The following CASTOR2 variants were observed in gnomAD, a reference collection of about 807,000 sequenced individuals.
CASTOR2 encodes GATS protein like 2.
A neutral mutation model predicts 31.2 loss-of-function variants in CASTOR2; 8 were observed. The ratio of observed to expected loss-of-function variants is 0.26; its 90% CI spans 0.15 to 0.46. The LOEUF (loss-of-function observed/expected upper bound fraction) is 0.46. Among genes scored for constraint, CASTOR2 ranks in the 20% least tolerant of loss-of-function variants. CASTOR2 has a pLI of 0.99. For synonymous variants in CASTOR2, 162 were observed against 158.7 expected (o/e 1.02, Z -0.16); for missense variants, 216 against 382.1 (o/e 0.57, Z 3.62).
intron 1 of CASTOR2, among the ~76,000 whole-genome samples, chr7:75,004,727 A>G (rs1465477591): frequency 1.3e-4 from 20 of 151,506 alleles, no homozygotes; most frequent in African/African-American, 4.8e-4. Flanking sequence ...GATTACAGGC[A>G]TGAGCCACCG....
In CASTOR2 at chr7:75,021,247, C is replaced by T. The variant is rs1164313040; in HGVS notation, c.747-627C>T. ...CCTCAAGTGATTCACCCACTTTGGC[C>T]TCCCAAAGTGCTGGGATTACCGGCG... On this transcript the variant is annotated intron_variant, in intron 6 of 8. Coordinates refer to ENST00000616305, the MANE Select transcript of CASTOR2 (RefSeq NM_001145064.3). Among the ~76,000 whole-genome samples, 17 of 152,302 alleles carry T rather than the reference C, an allele frequency of 1.1e-4. No individual in the cohort carries two copies. In the East Asian group the frequency reaches 3.1e-3, roughly 28 times the overall value.
In CASTOR2 at chr7:75,002,465, CA is replaced by C. The variant is rs1258472290; in HGVS notation, c.114-5523del. ...GAAACCCTGTCTCTGCTAAAAACTCCAAAAAATTAGCTGGATGTGGTGGCAG... is the reference window on the plus strand; with the variant it reads ...GAAACCCTGTCTCTGCTAAAAACTCCAAAAATTAGCTGGATGTGGTGGCAG... On this transcript the variant is annotated intron_variant, in intron 1 of 8. Coordinates refer to ENST00000616305, the MANE Select transcript of CASTOR2 (RefSeq NM_001145064.3). 4.0e-5 allele frequency among the ~76,000 whole-genome samples: 6 copies of C among 151,718 alleles called. No individual in the cohort carries two copies. In the Middle Eastern group the frequency reaches 0.01, roughly 262 times the overall value.
rs1187050437 is a variant in CASTOR2, at chr7:75,025,341, T to A, written c.*642T>A. On this transcript the variant is annotated 3_prime_UTR_variant, in exon 9 of 9. Coordinates refer to ENST00000616305, the MANE Select transcript of CASTOR2 (RefSeq NM_001145064.3). The stretch of plus-strand genomic sequence containing the variant: ...GCCAACCACAGGGCCTGGGCCCGAC[T>A]CCCAGCAAGACTGCCAAGAGGGCCC... Among the ~76,000 whole-genome samples the A allele has an allele frequency of 6.6e-6, 1 of 151,956 alleles. No individual in the cohort carries two copies. Among genetic ancestry groups the A allele is most frequent in the Non-Finnish European group, 1.5e-5 (1 of 67,960 alleles).
intron 1 of CASTOR2, among the ~76,000 whole-genome samples, chr7:75,000,383 G>A (rs1456074872): frequency 2.0e-5 from 3 of 152,138 alleles, no homozygotes; most frequent in Non-Finnish European, 4.4e-5. Context: ...ATAGGCTGCA[G>A]GAGATGTGGC....
At chr7:74,999,662 A>G (rs1395764968) in intron 1 of CASTOR2, among the ~76,000 whole-genome samples, 1 of 120,136 alleles carries the variant, frequency 8.3e-6, no homozygotes, top group Non-Finnish European at 1.6e-5. Context: ...TCTGTCTCCA[A>G]GCTGGAGTGC....
At chr7:75,017,833 G>A (rs1291266061) in intron 3 of CASTOR2, 42 bp downstream of exon 3, 112 of 1,613,732 alleles carry the variant, frequency 6.9e-5, no homozygotes, top group South Asian at 3.6e-4. Flanking sequence ...ACTCATGCCC[G>A]CCTCTGACAC....
At chr7:74,976,533 TC>T (rs1803812813) in intron 1 of CASTOR2, among the ~76,000 whole-genome samples, 2 of 1,810 alleles carry the variant, frequency 1.1e-3, no homozygotes, top group African/African-American at 2.6e-3. Flanking sequence ...AGACCCTGTC[TC>T]CTCCTCCTCC....
rs1477601177 is a variant in CASTOR2 at position 75,026,495 on chromosome 7, G to A, written c.*1796G>A. 5.9e-5 allele frequency among the ~76,000 whole-genome samples: 9 copies of A among 152,220 alleles called. No homozygotes were observed. The East Asian group carries it at 1.5e-3, about 26-fold the overall frequency. On this transcript the variant is annotated 3_prime_UTR_variant, in exon 9 of 9. Coordinates refer to ENST00000616305, the MANE Select transcript of CASTOR2 (RefSeq NM_001145064.3). Reference sequence around the variant, plus strand: ...GTGAGCCACCACACCCAGCCGAGTTGTGCTGTTTCTGTGGTCAGAGGAGAA... The same window carrying A: ...GTGAGCCACCACACCCAGCCGAGTTATGCTGTTTCTGTGGTCAGAGGAGAA...
At position 75,026,441 on chromosome 7, in the gene CASTOR2, C is replaced by T. The variant is rs920513454; in HGVS notation, c.*1742C>T. ...CCTGAGTTAAGTGATCCGCCTGCCT[C>T]GGCCTCCCAAAATGCCGGGATTACA... On this transcript the variant is annotated 3_prime_UTR_variant, in exon 9 of 9. Transcript: ENST00000616305. Among the ~76,000 whole-genome samples the T allele has an allele frequency of 2.0e-5, 3 of 152,106 alleles. No homozygotes were observed. The highest frequency in any genetic ancestry group is 2.9e-5 in the Non-Finnish European group (2 of 68,024).
Position 75,028,136 on chromosome 7 carries a change from G to A in CASTOR2, c.*3437G>A. On this transcript the variant is annotated 3_prime_UTR_variant, in exon 9 of 9. Transcript: ENST00000616305. ...GTGGAATTTTTTTTTTTTTTTTTTT[G>A]AGACGGAGTCTTGCTCTGTCGCCCA... 1.2e-6 allele frequency: 1 copy of A among 804,782 alleles called. No homozygotes were observed. The allele number at this position is 804,782 out of a possible 1,614,324, so 49.9% of individuals were successfully genotyped here. A position where few individuals can be genotyped will look rare whatever the true frequency, so the allele number is the denominator to read the frequency against.
At chr7:75,021,572 C>T (rs1805005960) in intron 6 of CASTOR2, among the ~76,000 whole-genome samples, 1 of 152,302 alleles carries the variant, frequency 6.6e-6, no homozygotes, top group African/African-American at 2.4e-5. Flanking sequence ...GCTATTTCTC[C>T]CTCAGCTTGT....
At chr7:75,009,456 G>A (rs1327934030) in intron 2 of CASTOR2, among the ~76,000 whole-genome samples, 1 of 151,120 alleles carries the variant, frequency 6.6e-6, no homozygotes, top group African/African-American at 2.4e-5. Flanking sequence ...TTTTAGTAGA[G>A]ATGGGGTTTC....
intron 1 of CASTOR2, among the ~76,000 whole-genome samples, chr7:74,977,670 C>T (rs1429805851): frequency 2.0e-5 from 3 of 150,244 alleles, no homozygotes; most frequent in East Asian, 3.9e-4. Context: ...CATGAGCCAC[C>T]GCACCTGGCC....
At chr7:75,017,936 ACC>A in intron 3 of CASTOR2, 52 bp from the exon 4 acceptor site, 3 of 1,613,770 alleles carry the variant, frequency 1.9e-6, no homozygotes, top group Non-Finnish European at 2.5e-6. Flanking sequence ...GGTGCCCCAG[ACC>A]CACATCCCCC....
intron 1 of CASTOR2, among the ~76,000 whole-genome samples, chr7:74,984,724 A>G (rs1804023335): frequency 6.6e-6 from 1 of 152,150 alleles, no homozygotes. Context: ...TCAGGTGGGT[A>G]TGTGACCTCC....
intron 1 of CASTOR2, among the ~76,000 whole-genome samples, chr7:74,970,039 C>A (rs1471067891): frequency 6.7e-6 from 1 of 149,940 alleles, no homozygotes; most frequent in Non-Finnish European, 1.5e-5. Flanking sequence ...AACCAGGTCC[C>A]GTCTCCGCTG....
intron 5 of CASTOR2, 109 bp from the exon 6 acceptor site, chr7:75,019,930 G>A: frequency 1.0e-6 from 1 of 952,474 alleles, no homozygotes; most frequent in Non-Finnish European, 1.6e-6. Context: ...CTGGCCCAGG[G>A]TCACCCAGGT....
intron 1 of CASTOR2, among the ~76,000 whole-genome samples, chr7:74,987,097 A>G (rs1477250364): frequency 6.6e-6 from 1 of 151,396 alleles, no homozygotes; most frequent in East Asian, 1.9e-4. Flanking sequence ...GCTACCAAGG[A>G]GTGTTTGTTG....
intron 2 of CASTOR2, among the ~76,000 whole-genome samples, chr7:75,010,848 G>GTC (rs1157192478): frequency 6.6e-6 from 1 of 151,490 alleles, no homozygotes; most frequent in African/African-American, 2.4e-5. Flanking sequence ...TTGTTTTTTT[G>GTC]TCTCTCTCTT....
Sources: gnomAD v4.1 joint callset for allele counts (sites outside exome capture counted in the v4.1 genomes callset) on GRCh38, gnomAD v4.1.1 for gene constraint, MANE v1.5 for transcripts, NCBI Gene and HGNC (gene_info 2026-07-23, HGNC 2026-07-21) for gene names.